The following NEK7 variants were observed in gnomAD, a reference collection of about 807,000 sequenced individuals.
The protein encoded by NEK7 is serine/threonine-protein kinase Nek7.
Under a neutral mutation model 44.6 loss-of-function variants are expected in NEK7, and 18 were observed. The ratio of observed to expected loss-of-function variants is 0.40; its 90% confidence interval spans 0.28 to 0.60. NEK7 has a LOEUF of 0.60. NEK7 is among the 20% of genes least tolerant of loss of function. NEK7 has a pLI of 0.38. For synonymous variants in NEK7, 130 were observed against 121.1 expected, an observed-to-expected ratio of 1.07 and a Z score of -0.48; for missense variants, 256 against 366.5, an observed-to-expected ratio of 0.70 and a Z score of 2.46.
At chr1:198,160,338 T>G (rs1159194993) in intron 1 of NEK7, among the ~76,000 whole-genome samples, 1 of 152,062 alleles carries the variant, frequency 6.6e-6, no homozygotes, top group African/African-American at 2.4e-5. Flanking sequence ...TAAATAGGCT[T>G]TGGTATTTTA....
chr1:198,234,409 T>C (rs1006255427), intron 2 of NEK7, among the ~76,000 whole-genome samples: 1 of 152,130 alleles, frequency 6.6e-6, no homozygotes, highest in African/African-American at 2.4e-5. Context: ...TTAGGACTCA[T>C]TTTACACACA....
intron 5 of NEK7, among the ~76,000 whole-genome samples, chr1:198,271,500 T>C (rs1458276195): frequency 6.6e-6 from 1 of 152,046 alleles, no homozygotes; most frequent in East Asian, 1.9e-4. Context: ...GTTTTTACAT[T>C]TGCAGACACA....
At chr1:198,158,473 G>A (rs1265068115) in intron 1 of NEK7, among the ~76,000 whole-genome samples, 1 of 152,152 alleles carries the variant, frequency 6.6e-6, no homozygotes, top group Non-Finnish European at 1.5e-5. Context: ...GTCTTGTCAG[G>A]TTGCATTAGA....
intron 1 of NEK7, among the ~76,000 whole-genome samples, chr1:198,187,482 C>A (rs768441926): frequency 1.3e-5 from 2 of 152,144 alleles, no homozygotes; most frequent in Non-Finnish European, 2.9e-5. Context: ...TTCAGATACT[C>A]CCGTGGCTGC....
At chr1:198,224,134 A>G (rs1666146317) in intron 1 of NEK7, among the ~76,000 whole-genome samples, 1 of 152,196 alleles carries the variant, frequency 6.6e-6, no homozygotes, top group Non-Finnish European at 1.5e-5. Context: ...ATTTTTTAAT[A>G]TATAGCCATG....
chr1:198,213,844 C>T (rs1665846105), intron 1 of NEK7, among the ~76,000 whole-genome samples: 1 of 152,174 alleles, frequency 6.6e-6, no homozygotes, highest in African/African-American at 2.4e-5. Context: ...GCTTTAGCTA[C>T]AGGCAGTTTT....
chr1:198,207,844 GT>G (rs1343071005), intron 1 of NEK7, among the ~76,000 whole-genome samples: 1 of 151,952 alleles, frequency 6.6e-6, no homozygotes, highest in African/African-American at 2.4e-5. Context: ...AATTTAAAAA[GT>G]TCTAAAAATA....
chr1:198,287,726 TAA>T (rs201058288), intron 7 of NEK7, among the ~76,000 whole-genome samples: 1 of 145,234 alleles, frequency 6.9e-6, no homozygotes, highest in African/African-American at 2.5e-5. Flanking sequence ...ATTTTTGCTT[TAA>T]AAAAAAAAAA....
intron 1 of NEK7, chr1:198,207,084 G>A (rs1420023734): frequency 6.6e-6 from 1 of 151,974 alleles, no homozygotes; most frequent in Non-Finnish European, 1.5e-5. Context: ...CCTATTACTT[G>A]TTTCTTCTTT....
chr1:198,281,090 G>T (rs1408225507), intron 7 of NEK7, among the ~76,000 whole-genome samples: 1 of 151,854 alleles, frequency 6.6e-6, no homozygotes, highest in African/African-American at 2.4e-5. Flanking sequence ...TTGGACTCCA[G>T]TCTACTAAGG....
intron 1 of NEK7, among the ~76,000 whole-genome samples, chr1:198,222,508 C>T (rs72751033): frequency 0.18 from 26,708 of 151,976 alleles, 3,402 homozygotes; most frequent in African/African-American, 0.33. Context: ...CCTCTATTAC[C>T]TACTTTTGAC....
chr1:198,312,915 G>A (rs1655237038), intron 9 of NEK7, among the ~76,000 whole-genome samples: 1 of 152,214 alleles, frequency 6.6e-6, no homozygotes, highest in Non-Finnish European at 1.5e-5. Context: ...TGTATTTTCT[G>A]TTGATTTGGG....
chr1:198,251,078 T>G (rs1234463537), intron 2 of NEK7, among the ~76,000 whole-genome samples: 1 of 151,822 alleles, frequency 6.6e-6, no homozygotes, highest in Non-Finnish European at 1.5e-5. Flanking sequence ...TATTGAGAGT[T>G]TTTAGCATGA....
chr1:198,270,390 G>T (rs974559261), intron 5 of NEK7, among the ~76,000 whole-genome samples: 1 of 151,858 alleles, frequency 6.6e-6, no homozygotes, highest in Non-Finnish European at 1.5e-5. Context: ...CTAATGTTTT[G>T]AGAAGAAACT....
chr1:198,201,673 T>C (rs1665432461), intron 1 of NEK7, among the ~76,000 whole-genome samples: 1 of 152,226 alleles, frequency 6.6e-6, no homozygotes, highest in Non-Finnish European at 1.5e-5. Flanking sequence ...TCCTTTTCTT[T>C]TGTCCTTATA....
At chr1:198,227,101 G>A (rs1417966689) in intron 1 of NEK7, among the ~76,000 whole-genome samples, 2 of 151,874 alleles carry the variant, frequency 1.3e-5, no homozygotes, top group Non-Finnish European at 2.9e-5. Context: ...TCCCACCTAT[G>A]AGTGAGAACA....
chr1:198,241,303 A>T (rs980735544), intron 2 of NEK7, among the ~76,000 whole-genome samples: 5 of 152,208 alleles, frequency 3.3e-5, no homozygotes, highest in African/African-American at 1.2e-4. Flanking sequence ...ACAAACACAA[A>T]TTTCAAAATT....
intron 1 of NEK7, among the ~76,000 whole-genome samples, chr1:198,165,020 T>C (rs1366424294): frequency 6.6e-6 from 1 of 152,264 alleles, no homozygotes; most frequent in African/African-American, 2.4e-5. Context: ...AGACGCATTT[T>C]CTTTGCTCAT....
At chr1:198,281,933 G>T (rs1315587960) in intron 7 of NEK7, among the ~76,000 whole-genome samples, 2 of 152,022 alleles carry the variant, frequency 1.3e-5, no homozygotes, top group Non-Finnish European at 2.9e-5. Flanking sequence ...ATTCTTAAAA[G>T]TATGATGACA....
Sources: allele counts gnomAD v4.1 joint callset (sites outside exome capture counted in the v4.1 genomes callset), GRCh38; gene constraint gnomAD v4.1.1; transcripts MANE v1.5; gene names NCBI Gene and HGNC (gene_info 2026-07-23, HGNC 2026-07-21).